The following UIMC1 variants were observed in gnomAD, a reference collection of about 807,000 sequenced individuals.
The protein encoded by UIMC1 is BRCA1-A complex subunit RAP80.
UIMC1 carries 42 observed loss-of-function variants against 84.9 expected under a neutral mutation model. That is an observed-to-expected ratio of 0.49 (90% CI 0.39 to 0.64). The LOEUF (loss-of-function observed/expected upper bound fraction) is 0.64. Ranked by LOEUF, UIMC1 falls within the 30% of genes least tolerant of loss-of-function variation. The pLI is 0.00. For missense variants in UIMC1, 825 were observed against 847.6 expected (o/e 0.97, Z 0.33); for synonymous variants, 281 against 293.0 (o/e 0.96, Z 0.42).
chr5:176,982,602 T>C lies in UIMC1; in HGVS notation c.14A>G (p.Lys5Arg), dbSNP rs1159193604. The change falls in exon 2 of 15, where the codon AAG (lysine) becomes AGG (arginine). Residue 5 changes from lysine to arginine, a missense_variant. Lys to Arg is a conservative substitution (Grantham distance 26). Transcript: ENST00000511320. Reference sequence around the variant, plus strand: ...TTCGGAGACTTCTTTAACTTTTTTCTTTCTCCGTGGCATCCTTTTGTCTAG... The same window carrying C: ...TTCGGAGACTTCTTTAACTTTTTTCCTTCTCCGTGGCATCCTTTTGTCTAG... MPRR[K>R]KKVKEVSESR... is the part of the protein sequence containing the mutation. 4 of 1,613,652 alleles carry C rather than the reference T, an allele frequency of 2.5e-6. No homozygotes were observed. Among genetic ancestry groups the C allele is most frequent in the Non-Finnish European group, 3.4e-6 (4 of 1,179,940 alleles).
chr5:176,925,816 C>T (rs530843536), intron 10 of UIMC1, among the ~76,000 whole-genome samples: 1 of 152,144 alleles, frequency 6.6e-6, no homozygotes, highest in African/African-American at 2.4e-5. Flanking sequence ...ATTAATGCTC[C>T]GTGTCTTGAT....
intron 1 of UIMC1, among the ~76,000 whole-genome samples, chr5:176,985,388 GGA>G (rs893390795): frequency 6.6e-6 from 1 of 151,340 alleles, no homozygotes; most frequent in Non-Finnish European, 1.5e-5. Flanking sequence ...CCCGGGAGGC[GGA>G]GGTTGCAGTG....
intron 13 of UIMC1, 86 bp downstream of exon 13, chr5:176,907,028 C>T: frequency 1.4e-6 from 2 of 1,396,716 alleles, no homozygotes; most frequent in Non-Finnish European, 2.0e-6. Context: ...CAGATAACCA[C>T]AGCAAATAGT....
In UIMC1 at chr5:176,921,296, A is replaced by G. The variant is rs11959907; in HGVS notation, c.1598-9907T>C. Among the ~76,000 whole-genome samples, 577 of 152,264 alleles carry G rather than the reference A, an allele frequency of 3.8e-3. 3 individuals carry two copies. Among genetic ancestry groups the G allele is most frequent in the African/African-American group, 0.013 (535 of 41,548 alleles). On this transcript the variant is annotated intron_variant, in intron 10 of 14. Transcript: ENST00000511320. ...CCTGAATCTGAACGCTTCTTGCTTA[A>G]TTAAGGATTCCCCTCCTGCCATCAT...
intron 1 of UIMC1, among the ~76,000 whole-genome samples, chr5:176,986,538 CAAAA>C (rs34922824): frequency 1.3e-5 from 1 of 79,408 alleles, no homozygotes; most frequent in Non-Finnish European, 2.3e-5. Context: ...ACCCTGTCTC[CAAAA>C]AAAAAAAAAA....
intron 10 of UIMC1, among the ~76,000 whole-genome samples, chr5:176,928,096 G>A (rs541861776): frequency 3.9e-5 from 6 of 152,102 alleles, no homozygotes; most frequent in African/African-American, 1.2e-4. Context: ...TGTCCACCTC[G>A]GCCTCCAAAA....
chr5:177,017,299 G>A (rs1306620551), intron 1 of UIMC1, among the ~76,000 whole-genome samples: 1 of 152,170 alleles, frequency 6.6e-6, no homozygotes, highest in Non-Finnish European at 1.5e-5. Context: ...ACTATTAGGA[G>A]GTAACTCAGA....
intron 1 of UIMC1, among the ~76,000 whole-genome samples, chr5:177,016,135 T>TG (rs1775665010): frequency 6.7e-6 from 1 of 148,460 alleles, no homozygotes; most frequent in African/African-American, 2.5e-5. Flanking sequence ...GAGGCCAAGG[T>TG]GGGGGGATCA....
intron 10 of UIMC1, among the ~76,000 whole-genome samples, chr5:176,939,344 GAAGCA>G (rs1244915377): frequency 1.3e-5 from 2 of 151,542 alleles, no homozygotes; most frequent in African/African-American, 4.9e-5. Flanking sequence ...TGATAGAAAA[GAAGCA>G]AACTTCTGGC....
chr5:176,999,467 A>G (rs1348084315), intron 1 of UIMC1, among the ~76,000 whole-genome samples: 1 of 152,124 alleles, frequency 6.6e-6, no homozygotes, highest in Non-Finnish European at 1.5e-5. Context: ...ACTATAAGTC[A>G]TCCTATTGTG....
intron 1 of UIMC1, among the ~76,000 whole-genome samples, chr5:176,993,620 T>C (rs1243752494): frequency 6.6e-6 from 1 of 152,298 alleles, no homozygotes; most frequent in East Asian, 1.9e-4. Flanking sequence ...ATAAAGTATC[T>C]CTACTGATAA....
intron 10 of UIMC1, among the ~76,000 whole-genome samples, chr5:176,928,105 A>T (rs1762608837): frequency 2.0e-5 from 3 of 152,102 alleles, no homozygotes. Flanking sequence ...CGGCCTCCAA[A>T]AGTGCTAGGA....
intron 10 of UIMC1, among the ~76,000 whole-genome samples, chr5:176,929,899 T>C (rs896019504): frequency 4.6e-5 from 7 of 152,118 alleles, no homozygotes; most frequent in Admixed American, 6.5e-5. Context: ...GGCAGTCAAA[T>C]CACACTGGAT....
In UIMC1 at chr5:176,943,503, A is replaced by G. The variant is rs1175572940; in HGVS notation, c.1444-15T>C. ...TTGTTACCAACCTGAAGAACATGAC[A>G]AACAGCAATCATAACAGCTTTAGTT... On this transcript the variant is annotated splice_polypyrimidine_tract_variant and intron_variant, in intron 9 of 14. Transcript: ENST00000511320. 1.9e-6 allele frequency: 3 copies of G among 1,613,278 alleles called. No individual in the cohort carries two copies. The South Asian group carries it at 3.3e-5, about 18-fold the overall frequency.
intron 1 of UIMC1, among the ~76,000 whole-genome samples, chr5:176,993,552 A>C (rs181447403): frequency 0.011 from 1,630 of 152,242 alleles, 11 homozygotes; most frequent in South Asian, 0.025. Flanking sequence ...ACCTATATAA[A>C]AAACCTGTAC....
At chr5:176,952,184 T>C (rs1765972459) in intron 8 of UIMC1, among the ~76,000 whole-genome samples, 1 of 152,210 alleles carries the variant, frequency 6.6e-6, no homozygotes, top group South Asian at 2.1e-4. Flanking sequence ...AATTCTAGTT[T>C]TAAAGTATAC....
Position 176,971,922 on chromosome 5 carries a change from A to AAC in UIMC1, c.233-1058_233-1057dup, listed in dbSNP as rs568345064. ...AAGACTCCATCTCAAAAAAACCAAA[A>AAC]ACAAAAACAACTGTAAGTTCATACT... On this transcript the variant is annotated intron_variant, in intron 3 of 14. Coordinates refer to ENST00000511320, the MANE Select transcript of UIMC1 (RefSeq NM_001199298.2). 3.3e-4 allele frequency among the ~76,000 whole-genome samples: 50 copies of AAC among 152,296 alleles called. 1 individual carries two copies. The East Asian group carries it at 9.4e-3, about 29-fold the overall frequency.
At chr5:177,006,197 C>G (rs1047960976) in intron 1 of UIMC1, 1 of 152,218 alleles carries the variant, frequency 6.6e-6, no homozygotes, top group Admixed American at 6.5e-5. Context: ...GGGACCCGCC[C>G]GGCAACCGAA....
At position 176,968,872 on chromosome 5, in the gene UIMC1, C is replaced by A. The variant is rs745311830; in HGVS notation, c.883G>T (p.Val295Phe). 1 of 1,614,086 alleles carries A rather than the reference C, an allele frequency of 6.2e-7. No individual in the cohort carries two copies. The highest frequency in any genetic ancestry group is 1.1e-5 in the South Asian group (1 of 91,082). The change falls in exon 6 of 15, where the codon GTC becomes TTC. Residue 295 changes from valine (V) to phenylalanine (F), a missense_variant. Transcript: ENST00000511320. Reference sequence around the variant, plus strand: ...TAAACCTCCAACTGGCAGAGAATGACCTTGGTATACTGGTTAGGGTCTACT... The same window carrying A: ...TAAACCTCCAACTGGCAGAGAATGAACTTGGTATACTGGTTAGGGTCTACT... ...DGVDPNQYTKVILCQLEVYQK... is the reference protein window; with the variant it reads ...DGVDPNQYTKFILCQLEVYQK...
Sources: allele counts gnomAD v4.1 joint callset (sites outside exome capture counted in the v4.1 genomes callset), GRCh38; gene constraint gnomAD v4.1.1; transcripts MANE v1.5; gene names NCBI Gene and HGNC (gene_info 2026-07-23, HGNC 2026-07-21).